Variants in SULT2B1 observed in about 807,000 individuals in gnomAD.
SULT2B1 encodes the protein sulfotransferase 2B1.
In SULT2B1, 16 loss-of-function variants were observed where a neutral mutation model predicts 33.2. The observed-to-expected ratio is 0.48, with a 90% CI of 0.33 to 0.73. The LOEUF is 0.73. Among genes scored for constraint, SULT2B1 ranks in the 30% least tolerant of loss-of-function variants. SULT2B1 has a pLI of 0.02. For missense variants in SULT2B1, 500 were observed against 506.0 expected, an observed-to-expected ratio of 0.99 and a Z score of 0.11; for synonymous variants, 186 against 200.5, an observed-to-expected ratio of 0.93 and a Z score of 0.61.
chr19:48,560,391 C>A (rs542990397), intron 1 of SULT2B1, among the ~76,000 whole-genome samples: 19 of 151,734 alleles, frequency 1.3e-4, no homozygotes, highest in Non-Finnish European at 2.1e-4. Context: ...AAACTGAGGC[C>A]CCACTCATAA....
rs567373069 is a variant in SULT2B1, at chr19:48,563,988, A to G, written c.71+11665A>G. Reference sequence around the variant, plus strand: ...AAAAAAAAAAAACAAAAGAAGAGGAAGAAGAAGAAGAAGACTGGGCTGAGG... The same window carrying G: ...AAAAAAAAAAAACAAAAGAAGAGGAGGAAGAAGAAGAAGACTGGGCTGAGG... On this transcript the variant is annotated intron_variant, in intron 1 of 6. Coordinates refer to ENST00000201586, the MANE Select transcript of SULT2B1 (RefSeq NM_177973.2). Among the ~76,000 whole-genome samples, 6 of 150,330 alleles carry G rather than the reference A, an allele frequency of 4.0e-5. No individual in the cohort carries two copies. The South Asian group carries it at 1.3e-3, about 32-fold the overall frequency.
At position 48,552,435 on chromosome 19, in the gene SULT2B1, G is replaced by A. The variant is rs1726605074; in HGVS notation, c.71+112G>A. ...TCCAGCCACCCGCAGCCGCAGGCCT[G>A]GCCCAGACTTAGCTGGAGGGGCTGG... On this transcript the variant is annotated intron_variant, in intron 1 of 6. Transcript: ENST00000201586. This position sits in a 1 kb window ranked among gnomAD's most constrained non-coding sequence, Gnocchi z 4.8. 8.5e-7 allele frequency: 1 copy of A among 1,178,770 alleles called. No homozygotes were observed. The highest frequency in any genetic ancestry group is 1.4e-5 in the South Asian group (1 of 71,806). 73.0% of individuals were successfully genotyped at this position (1,178,770 alleles called of 1,614,324 possible).
intron 6 of SULT2B1, 136 bp from the exon 7 acceptor site, chr19:48,598,999 T>A: frequency 7.0e-7 from 1 of 1,429,134 alleles, no homozygotes; most frequent in Non-Finnish European, 9.2e-7. Flanking sequence ...ATGTGGAGGG[T>A]AGGGAGGACG....
chr19:48,575,667 G>A (rs1973395727), intron 1 of SULT2B1: 1 of 310,918 alleles, frequency 3.2e-6, no homozygotes, highest in Non-Finnish European at 5.8e-6. Context: ...TTTTAGTAGG[G>A]GCGGGGTTTC....
intron 1 of SULT2B1, among the ~76,000 whole-genome samples, chr19:48,562,934 C>T (rs1362153149): frequency 6.6e-6 from 1 of 152,128 alleles, no homozygotes; most frequent in East Asian, 1.9e-4. Context: ...CCTGCCTTGG[C>T]CTCCCAAAGT....
rs1229007956 is a variant in SULT2B1 at position 48,552,685 on chromosome 19, C to A, written c.71+362C>A. 6.6e-6 allele frequency among the ~76,000 whole-genome samples: 1 copy of A among 152,132 alleles called. No homozygotes were observed. The highest frequency in any genetic ancestry group is 1.5e-5 in the Non-Finnish European group (1 of 68,032). On this transcript the variant is annotated intron_variant, in intron 1 of 6. Coordinates refer to ENST00000201586, the MANE Select transcript of SULT2B1 (RefSeq NM_177973.2). This position sits in a 1 kb window ranked among gnomAD's most constrained non-coding sequence, Gnocchi z 4.8. ...AGTAGTTGCTCAGGAAACACAACAG[C>A]CTGTAGTACCCAGGACACCCCATGC...
intron 1 of SULT2B1, among the ~76,000 whole-genome samples, chr19:48,559,475 A>G (rs547167118): frequency 6.6e-6 from 1 of 152,234 alleles, no homozygotes; most frequent in East Asian, 1.9e-4. Context: ...GGTTCAAGCG[A>G]TTCTCCTGCC....
At chr19:48,590,616 A>AAAAC (rs945469984) in intron 3 of SULT2B1, among the ~76,000 whole-genome samples, 3 of 152,072 alleles carry the variant, frequency 2.0e-5, no homozygotes, top group African/African-American at 7.2e-5. Flanking sequence ...AAAACAAAAC[A>AAAAC]AAACAAAAAA....
At chr19:48,589,149 G>A (rs1012328900) in intron 3 of SULT2B1, among the ~76,000 whole-genome samples, 3 of 152,236 alleles carry the variant, frequency 2.0e-5, no homozygotes, top group Admixed American at 1.3e-4. Context: ...GTCCAGGGGA[G>A]GGGACGGTGG....
intron 1 of SULT2B1, among the ~76,000 whole-genome samples, chr19:48,559,830 G>C (rs545266715): frequency 1.5e-4 from 23 of 151,972 alleles, no homozygotes; most frequent in Admixed American, 3.9e-4. Context: ...AGGCAAGAAA[G>C]CCTGCAGGGG....
Position 48,596,569 on chromosome 19 carries a change from T to C in SULT2B1, c.646-170T>C, listed in dbSNP as rs539283917. The C allele has an allele frequency of 3.7e-5, 25 of 679,918 alleles. No individual in the cohort carries two copies. In the Admixed American group the frequency reaches 6.4e-4, roughly 17 times the overall value. The allele number at this position is 679,918 out of a possible 1,614,324, so 42.1% of individuals were successfully genotyped here. A position where few individuals can be genotyped will look rare whatever the true frequency, so the allele number is the denominator to read the frequency against. On this transcript the variant is annotated intron_variant, in intron 5 of 6. Coordinates refer to ENST00000201586, the MANE Select transcript of SULT2B1 (RefSeq NM_177973.2). ...CCAAAGACAGAAACTGCAAAAACCC[T>C]TAGAGGCGATATAGCCCAACCCCTC... is the stretch of plus-strand genomic sequence containing the variant.
intron 4 of SULT2B1, 68 bp downstream of exon 4, chr19:48,591,803 G>A: frequency 6.8e-7 from 1 of 1,478,292 alleles, no homozygotes; most frequent in South Asian, 1.4e-5. Context: ...TGGGCAGAGG[G>A]ACAGAGGAGG....
chr19:48,598,114 G>A (rs991648885), intron 6 of SULT2B1, among the ~76,000 whole-genome samples: 11 of 152,140 alleles, frequency 7.2e-5, no homozygotes, highest in Admixed American at 2.0e-4. Context: ...GGATTAGGAC[G>A]TGGATATGGA....
At chr19:48,580,017 G>T (rs969427579) in intron 2 of SULT2B1, among the ~76,000 whole-genome samples, 8 of 150,190 alleles carry the variant, frequency 5.3e-5, no homozygotes, top group Non-Finnish European at 1.2e-4. Flanking sequence ...TTGACCTCCT[G>T]GGCTCAAGCT....
rs200817158 is a variant in SULT2B1 at position 48,587,270 on chromosome 19, G to A, written c.256G>A (p.Glu86Lys). 257 of 1,613,904 alleles carry A rather than the reference G, an allele frequency of 1.6e-4. 1 individual carries two copies. The East Asian group carries it at 5.1e-3, about 32-fold the overall frequency. ...MIEIICLILK[E>K]GDPSWIRSVP... ...CGAGATCATCTGCTTAATCCTGAAGGAAGGGGATCCATCCTGGATCCGCTC... is the reference window on the plus strand; with the variant it reads ...CGAGATCATCTGCTTAATCCTGAAGAAAGGGGATCCATCCTGGATCCGCTC... The change falls in exon 3 of 7, where the codon GAA becomes AAA. Residue 86 changes from glutamate to lysine, a missense_variant. Coordinates refer to ENST00000201586, the MANE Select transcript of SULT2B1 (RefSeq NM_177973.2).
At chr19:48,578,146 G>A (rs375314324) in intron 2 of SULT2B1, among the ~76,000 whole-genome samples, 5 of 152,114 alleles carry the variant, frequency 3.3e-5, no homozygotes, top group African/African-American at 4.8e-5. Flanking sequence ...TAGAGAGGTC[G>A]AGGCTCCAGT....
At chr19:48,593,938 G>A (rs1365972171) in intron 5 of SULT2B1, among the ~76,000 whole-genome samples, 6 of 151,380 alleles carry the variant, frequency 4.0e-5, no homozygotes, top group East Asian at 2.0e-4. Flanking sequence ...ATAACTGGTC[G>A]GCCCCGCCAA....
chr19:48,594,649 G>A (rs535833801), intron 5 of SULT2B1, among the ~76,000 whole-genome samples: 2 of 152,212 alleles, frequency 1.3e-5, no homozygotes, highest in African/African-American at 4.8e-5. Context: ...ATGAAACCAG[G>A]AGTGACCTGG....
At chr19:48,562,970 A>G (rs1973200320) in intron 1 of SULT2B1, among the ~76,000 whole-genome samples, 1 of 152,228 alleles carries the variant, frequency 6.6e-6, no homozygotes, top group South Asian at 2.1e-4. Flanking sequence ...GTGAGCCACC[A>G]TGACCAGCTG....
Sources: allele counts gnomAD v4.1 joint callset (sites outside exome capture counted in the v4.1 genomes callset), GRCh38; gene constraint gnomAD v4.1.1; non-coding constraint Gnocchi (gnomAD v3.1); transcripts MANE v1.5; gene names NCBI Gene and HGNC (gene_info 2026-07-23, HGNC 2026-07-21).